TTC34: variants seen among roughly 807,000 people sequenced by gnomAD.
TTC34 encodes the protein tetratricopeptide repeat domain 34, also known as tetratricopeptide repeat protein 34.
TTC34 carries 44 observed loss-of-function variants against 40.7 expected under a neutral mutation model. The ratio of observed to expected loss-of-function variants is 1.08; its 90% CI spans 0.85 to 1.39. The LOEUF is 1.39. TTC34 is among the 40% of genes most tolerant of loss of function. The probability of loss-of-function intolerance (pLI) is 0.00; values close to 1 mark genes in which losing one functional copy is unlikely to be tolerated. For missense variants in TTC34, 884 were observed against 838.0 expected (o/e 1.05, Z -0.68); for synonymous variants, 422 against 398.6 (o/e 1.06, Z -0.70).
intron 6 of TTC34, among the ~76,000 whole-genome samples, chr1:2,683,337 A>G (rs1171948178): frequency 5.7e-4 from 78 of 135,890 alleles, no homozygotes; most frequent in African/African-American, 1.0e-3. Flanking sequence ...GACAGACTGG[A>G]ACACCACCCT....
intron 6 of TTC34, among the ~76,000 whole-genome samples, chr1:2,652,509 GCAACAGCACCCACACCTCCA>G (rs1639180564): frequency 2.9e-5 from 4 of 138,894 alleles, no homozygotes; most frequent in African/African-American, 5.6e-5. Flanking sequence ...CTGACGGCCT[GCAACAGCACCCACACCTCCA>G]GGCGAGCATT....
At chr1:2,643,170 T>G (rs1014091388) in intron 8 of TTC34, among the ~76,000 whole-genome samples, 2 of 152,016 alleles carry the variant, frequency 1.3e-5, no homozygotes, top group South Asian at 4.2e-4. Flanking sequence ...GACCCCAGAC[T>G]CCCCTGAGCC....
At chr1:2,637,981 C>T (rs1638824124) in exon 9 of TTC34, 1 of 152,128 alleles carries the variant, frequency 6.6e-6, no homozygotes, top group African/African-American at 2.4e-5. Context: ...AATTGTGAAC[C>T]CCCTGGTTCT....
chr1:2,760,001 A>C (rs1641642970), intron 6 of TTC34, among the ~76,000 whole-genome samples: 4 of 117,482 alleles, frequency 3.4e-5, no homozygotes, highest in African/African-American at 7.7e-5. Context: ...AGCACCCACA[A>C]CCACAGGTGA....
chr1:2,694,117 G>A (rs796069753), intron 6 of TTC34, among the ~76,000 whole-genome samples: 6,206 of 51,026 alleles, frequency 0.12, 22 homozygotes, highest in Middle Eastern at 0.17. Context: ...ACCCCCAGGT[G>A]CGCACGTGAC....
intron 8 of TTC34, 48 bp from the exon 9 acceptor site, chr1:2,641,943 A>G (rs1163901228): frequency 7.0e-7 from 1 of 1,432,784 alleles, no homozygotes; most frequent in African/African-American, 1.4e-5. Context: ...GTCAGCCCCA[A>G]AAGCCCGGCC....
chr1:2,641,467 C>T (rs1347431480), exon 9 of TTC34: 29 of 1,535,542 alleles, frequency 1.9e-5, no homozygotes, highest in South Asian at 3.6e-5. Flanking sequence ...CGCTCTCTAC[C>T]GCCGTCCAGG....
intron 6 of TTC34, among the ~76,000 whole-genome samples, chr1:2,646,387 A>C (rs1639022306): frequency 6.6e-6 from 1 of 152,132 alleles, no homozygotes; most frequent in South Asian, 2.1e-4. Flanking sequence ...AAGTGAATTA[A>C]TTATATATAT....
At chr1:2,686,694 C>T (rs2100342163) in intron 6 of TTC34, among the ~76,000 whole-genome samples, 1 of 146,246 alleles carries the variant, frequency 6.8e-6, no homozygotes, top group Admixed American at 6.9e-5. Context: ...CCCAGGTGCG[C>T]ACGTGACAGC....
intron 6 of TTC34, among the ~76,000 whole-genome samples, chr1:2,754,937 CACACCCAGG>C (rs1641456765): frequency 3.0e-5 from 2 of 66,322 alleles, no homozygotes; most frequent in African/African-American, 1.3e-4. Context: ...ACAGCACGCA[CACACCCAGG>C]TGAGCATCTG....
chr1:2,660,812 G>T (rs1210856919), intron 6 of TTC34, among the ~76,000 whole-genome samples: 1 of 92,792 alleles, frequency 1.1e-5, no homozygotes, highest in Non-Finnish European at 2.1e-5. Flanking sequence ...GCATCTGACA[G>T]CCTGGAACAG....
chr1:2,686,736 T>C (rs60386739), intron 6 of TTC34, among the ~76,000 whole-genome samples: 16,819 of 126,692 alleles, frequency 0.13, 1,707 homozygotes, highest in South Asian at 0.2. Flanking sequence ...CAGGCGAGCA[T>C]CTGACAGCCT....
chr1:2,652,438 C>A (rs1378977028), intron 6 of TTC34, among the ~76,000 whole-genome samples: 1 of 151,786 alleles, frequency 6.6e-6, no homozygotes, highest in Non-Finnish European at 1.5e-5. Flanking sequence ...TGGAACAGCA[C>A]CCACACCCCC....
chr1:2,652,415 G>A (rs201685286), intron 6 of TTC34, among the ~76,000 whole-genome samples: 3,332 of 61,782 alleles, frequency 0.054, 1 homozygote, highest in Middle Eastern at 0.095. Flanking sequence ...CCCCCAGTGA[G>A]CATCTGACAG....
intron 6 of TTC34, among the ~76,000 whole-genome samples, chr1:2,759,571 A>T (rs1641623287): frequency 4.6e-5 from 7 of 152,008 alleles, no homozygotes; most frequent in Admixed American, 6.5e-5. Flanking sequence ...CCAGACGAGC[A>T]TCGGACAGCC....
intron 6 of TTC34, among the ~76,000 whole-genome samples, chr1:2,686,497 G>C (rs1334884493): frequency 9.3e-6 from 1 of 107,406 alleles, no homozygotes; most frequent in Non-Finnish European, 1.8e-5. Context: ...CTGAGCCTGT[G>C]ACAGCCTCGA....
intron 6 of TTC34, among the ~76,000 whole-genome samples, chr1:2,687,440 C>A (rs1178450943): frequency 6.7e-6 from 1 of 149,840 alleles, no homozygotes; most frequent in Admixed American, 6.6e-5. Flanking sequence ...GGAGCAGCAC[C>A]CACAACCACA....
intron 6 of TTC34, among the ~76,000 whole-genome samples, chr1:2,683,942 C>A (rs1255986390): frequency 1.0e-4 from 6 of 57,670 alleles, no homozygotes; most frequent in African/African-American, 3.2e-4. Flanking sequence ...TGGTCTGGAG[C>A]AGTACCCACA....
chr1:2,652,227 C>A (rs1570753078), intron 6 of TTC34, among the ~76,000 whole-genome samples: 2 of 141,452 alleles, frequency 1.4e-5, no homozygotes, highest in South Asian at 2.2e-4. Context: ...CATCTGACGG[C>A]CTGGAACAGC....
Sources: allele counts gnomAD v4.1 joint callset (sites outside exome capture counted in the v4.1 genomes callset), GRCh38; gene constraint gnomAD v4.1.1; transcripts MANE v1.5; gene names NCBI Gene and HGNC (gene_info 2026-07-23, HGNC 2026-07-21).